PDHA1: variants seen among roughly 807,000 people sequenced by gnomAD.
The protein encoded by PDHA1 is pyruvate dehydrogenase E1 component subunit alpha, somatic form, mitochondrial.
A neutral mutation model predicts 33.0 loss-of-function variants in PDHA1; 1 was observed. The observed-to-expected ratio is 0.03, with a 90% CI of 0.01 to 0.14. The LOEUF is 0.14. Ranked by LOEUF, PDHA1 falls within the 10% of genes least tolerant of loss-of-function variation. The pLI, the probability that PDHA1 is intolerant of heterozygous loss-of-function variation, is 1.00. For missense variants in PDHA1, 168 were observed against 325.1 expected, an observed-to-expected ratio of 0.52 and a Z score of 3.72; for synonymous variants, 123 against 119.2, an observed-to-expected ratio of 1.03 and a Z score of -0.21.
rs755016325 is a variant in PDHA1, at chrX:19,361,466, A to G, written c.*1813A>G. ...AGCTGAGCAGCTGTGTAACAACAGC[A>G]TAAGAATTTCTTTGTTGTAAATTTA... On this transcript the variant is annotated 3_prime_UTR_variant, in exon 11 of 11. Transcript: ENST00000422285. The G allele has an allele frequency of 8.4e-7, 1 of 1,195,561 alleles. No individual in the cohort carries two copies. Among genetic ancestry groups the G allele is most frequent in the Non-Finnish European group, 1.1e-6 (1 of 881,439 alleles).
intron 8 of PDHA1, among the ~76,000 whole-genome samples, chrX:19,356,874 C>T (rs984592872): frequency 1.8e-5 from 2 of 112,244 alleles, no homozygotes; most frequent in Non-Finnish European, 3.8e-5. Flanking sequence ...ACCAAGGATC[C>T]TCAATGTTTC....
intron 8 of PDHA1, among the ~76,000 whole-genome samples, chrX:19,356,051 A>C (rs1472351897): frequency 4.7e-5 from 5 of 106,759 alleles, no homozygotes; most frequent in African/African-American, 1.7e-4. Flanking sequence ...CCTCCTCCCC[A>C]CCCCCCATTA....
intron 9 of PDHA1, 43 bp downstream of exon 9, chrX:19,357,762 A>G: frequency 3.9e-6 from 4 of 1,028,672 alleles, no homozygotes; most frequent in Non-Finnish European, 5.5e-6. Flanking sequence ...GTGGGCTTTG[A>G]ATGGTGTTAC....
chrX:19,350,891 G>A (rs943720232), intron 3 of PDHA1, among the ~76,000 whole-genome samples: 1 of 111,735 alleles, frequency 8.9e-6, no homozygotes, highest in African/African-American at 3.3e-5. Flanking sequence ...GCACCAGCAT[G>A]CCCTACCCAG....
intron 6 of PDHA1, 76 bp from the exon 7 acceptor site, chrX:19,355,273 C>T (rs1330634830): frequency 2.2e-5 from 24 of 1,089,887 alleles, no homozygotes; most frequent in Admixed American, 1.3e-4. Flanking sequence ...CTGTGCCAGG[C>T]AGAGCAGCAG....
Position 19,361,133 on chromosome X carries a change from G to A in PDHA1, c.*1480G>A. 1 of 425,044 alleles carries A rather than the reference G, an allele frequency of 2.4e-6. No individual in the cohort carries two copies. The highest frequency in any genetic ancestry group is 4.0e-6 in the Non-Finnish European group (1 of 247,460). 35.0% of individuals were successfully genotyped at this position (425,044 alleles called of 1,213,427 possible). On this transcript the variant is annotated 3_prime_UTR_variant, in exon 11 of 11. Transcript: ENST00000422285. The stretch of plus-strand genomic sequence containing the variant: ...ACTCCCAGCCAGGCATTAATGGCAG[G>A]AGATTGGCCAGCTCTTCTCTGTCAC...
chrX:19,359,379 C>T lies in PDHA1; in HGVS notation c.1009-110C>T, dbSNP rs185445283. ...AAAATCTTCTGAATTAGCAACTGTT[C>T]GTACTTGTAGTTAAAGAGTTACACC... On this transcript the variant is annotated intron_variant, in intron 10 of 10. Transcript: ENST00000422285. 2,204 of 618,591 alleles carry T rather than the reference C, an allele frequency of 3.6e-3. 5 individuals carry two copies. Among genetic ancestry groups the T allele is most frequent in the African/African-American group, 5.4e-3 (243 of 45,231 alleles). 51.0% of individuals were successfully genotyped at this position (618,591 alleles called of 1,213,427 possible). A position where few individuals can be genotyped will look rare whatever the true frequency, so the allele number is the denominator to read the frequency against.
Position 19,355,438 on chromosome X carries a change from G to A in PDHA1, c.693G>A (p.Thr231=), listed in dbSNP as rs138237215. The change falls in exon 7 of 11, where the codon ACG becomes ACA. Residue 231 remains threonine, a synonymous_variant. Transcript: ENST00000422285. The part of the protein sequence containing the change: ...ICENNRYGMG[T]SVERAAASTD... Reference sequence around the variant, plus strand: ...AGAATAATCGCTATGGAATGGGAACGTCTGTTGAGAGAGCGGCAGCCAGCA... The same window carrying A: ...AGAATAATCGCTATGGAATGGGAACATCTGTTGAGAGAGCGGCAGCCAGCA... 1.8e-4 allele frequency: 223 copies of A among 1,210,516 alleles called. 1 individual carries two copies. In the Middle Eastern group the frequency reaches 2.1e-3, roughly 11 times the overall value.
rs1030416947 is a variant in PDHA1, at chrX:19,360,683, C to G, written c.*1030C>G. On this transcript the variant is annotated 3_prime_UTR_variant, in exon 11 of 11. Transcript: ENST00000422285. ...AAACACAGCGGAATTCGTGTATACA[C>G]TAACAGAAGCTTTAACAAAACATGT... 10 of 866,005 alleles carry G rather than the reference C, an allele frequency of 1.2e-5. No individual in the cohort carries two copies. The highest frequency in any genetic ancestry group is 2.8e-4 in the Middle Eastern group (1 of 3,624). The allele number at this position is 866,005 out of a possible 1,213,427, so 71.4% of individuals were successfully genotyped here.
intron 10 of PDHA1, 85 bp downstream of exon 10, chrX:19,359,109 C>CCAAG: frequency 1.7e-6 from 1 of 576,851 alleles, no homozygotes; most frequent in East Asian, 3.4e-5. Flanking sequence ...GTGGGTTCCT[C>CCAAG]CAAGCCCAGA....
rs765946350 is a variant in PDHA1 at position 19,345,755 on chromosome X, C to CT, written c.57+1661_57+1662insT. ...TATCAGTTTGCAGGGTCCCCCCCCC[C>CT]CCGCCACCTTACAGTAGGAAGAAAA... is the stretch of plus-strand genomic sequence containing the variant. On this transcript the variant is annotated intron_variant, in intron 1 of 10. Transcript: ENST00000422285. The CT allele has an allele frequency of 1.8e-5, 5 of 273,135 alleles. No homozygotes were observed. The Admixed American group carries it at 2.3e-4, about 13-fold the overall frequency. The allele number at this position is 273,135 out of a possible 1,213,427, so 22.5% of individuals were successfully genotyped here. A position where few individuals can be genotyped will look rare whatever the true frequency, so the allele number is the denominator to read the frequency against.
chrX:19,348,869 C>T (rs2063148281), intron 1 of PDHA1, among the ~76,000 whole-genome samples: 1 of 111,742 alleles, frequency 8.9e-6, no homozygotes, highest in Non-Finnish European at 1.9e-5. Flanking sequence ...CACTTGAACC[C>T]GGGAAGCGGA....
At position 19,360,783 on chromosome X, in the gene PDHA1, G is replaced by A. The variant is rs1298642306; in HGVS notation, c.*1130G>A. On this transcript the variant is annotated 3_prime_UTR_variant, in exon 11 of 11. Transcript: ENST00000422285. The stretch of plus-strand genomic sequence containing the variant: ...GTCTTTGGTTTCTGAGGCCTCCTGA[G>A]CCCTTCTGTACTGGGAGACCGCACT... 8.3e-7 allele frequency: 1 copy of A among 1,208,121 alleles called. No homozygotes were observed. The highest frequency in any genetic ancestry group is 1.8e-5 in the African/African-American group (1 of 57,081).
At chrX:19,355,198 G>A (rs1033643373) in intron 6 of PDHA1, 151 bp from the exon 7 acceptor site, 21 of 633,065 alleles carry the variant, frequency 3.3e-5, no homozygotes, top group South Asian at 1.6e-4. Context: ...CACCCACCCC[G>A]CTTTCCCTCA....
rs2063286734 is a variant in PDHA1 at position 19,361,461 on chromosome X, A to G, written c.*1808A>G. 1 of 1,195,155 alleles carries G rather than the reference A, an allele frequency of 8.4e-7. No homozygotes were observed. The highest frequency in any genetic ancestry group is 1.1e-6 in the Non-Finnish European group (1 of 881,414). On this transcript the variant is annotated 3_prime_UTR_variant, in exon 11 of 11. Transcript: ENST00000422285. ...TTAAGAGCTGAGCAGCTGTGTAACAACAGCATAAGAATTTCTTTGTTGTAA... is the reference window on the plus strand; with the variant it reads ...TTAAGAGCTGAGCAGCTGTGTAACAGCAGCATAAGAATTTCTTTGTTGTAA...
rs147338122 is a variant in PDHA1 at position 19,359,743 on chromosome X, T to C, written c.*90T>C. The C allele has an allele frequency of 6.9e-6, 6 of 866,072 alleles. No homozygotes were observed. The Admixed American group carries it at 1.4e-4, about 21-fold the overall frequency. 71.4% of individuals were successfully genotyped at this position (866,072 alleles called of 1,213,427 possible). A position where few individuals can be genotyped will look rare whatever the true frequency, so the allele number is the denominator to read the frequency against. ...GAGGAAGAAAACCCAGTCAATGAAATTCAATGAAATTCTTGGAAACTTCCA... is the reference window on the plus strand; with the variant it reads ...GAGGAAGAAAACCCAGTCAATGAAACTCAATGAAATTCTTGGAAACTTCCA... On this transcript the variant is annotated 3_prime_UTR_variant, in exon 11 of 11. Coordinates refer to ENST00000422285, the MANE Select transcript of PDHA1 (RefSeq NM_000284.4).
In PDHA1 at chrX:19,349,304, C is replaced by T; in HGVS notation, c.58-8C>T. 8.6e-7 allele frequency: 1 copy of T among 1,159,040 alleles called. No individual in the cohort carries two copies. Among genetic ancestry groups the T allele is most frequent in the East Asian group, 3.0e-5 (1 of 33,656 alleles). On this transcript the variant is annotated splice_region_variant and splice_polypyrimidine_tract_variant and intron_variant, in intron 1 of 10. Transcript: ENST00000422285. ...TACTGATTTGTTTGTATATTTTTGT[C>T]TTTTAAGGCAAGCAGAGTGCTGGTA...
chrX:19,344,546 A>G (rs756340061), intron 1 of PDHA1, among the ~76,000 whole-genome samples: 5 of 113,502 alleles, frequency 4.4e-5, no homozygotes, highest in Middle Eastern at 4.6e-3. Context: ...CTCACCATTG[A>G]CTAGCCCTGT....
chrX:19,350,693 C>G (rs2063158467), intron 3 of PDHA1, among the ~76,000 whole-genome samples: 1 of 112,705 alleles, frequency 8.9e-6, no homozygotes, highest in Admixed American at 9.4e-5. Context: ...TATTTTAAAA[C>G]TTTCTGGCAC....
Sources: allele counts gnomAD v4.1 joint callset (sites outside exome capture counted in the v4.1 genomes callset), GRCh38; gene constraint gnomAD v4.1.1; transcripts MANE v1.5; gene names NCBI Gene and HGNC (gene_info 2026-07-23, HGNC 2026-07-21).